The following NAALAD2 variants were observed in gnomAD, a reference collection of about 807,000 sequenced individuals.
The protein encoded by NAALAD2 is N-acetylated-alpha-linked acidic dipeptidase 2.
Under a neutral mutation model 95.6 loss-of-function variants are expected in NAALAD2, and 89 were observed. The observed-to-expected ratio is 0.93, with a 90% CI of 0.78 to 1.11. The LOEUF (loss-of-function observed/expected upper bound fraction) is 1.11, where lower values mean the gene tolerates loss of function less well. NAALAD2 is among the 50% of genes least tolerant of loss of function. NAALAD2 has a pLI of 0.00. For missense variants in NAALAD2, 894 were observed against 872.4 expected, an observed-to-expected ratio of 1.02 and a Z score of -0.31; for synonymous variants, 264 against 294.4, an observed-to-expected ratio of 0.90 and a Z score of 1.06.
chr11:90,190,569 A>T (rs193155105), intron 18 of NAALAD2, among the ~76,000 whole-genome samples: 1 of 152,176 alleles, frequency 6.6e-6, no homozygotes, highest in Non-Finnish European at 1.5e-5. Flanking sequence ...GAGGGTAAGT[A>T]TACTAAGGAA....
intron 11 of NAALAD2, among the ~76,000 whole-genome samples, chr11:90,167,286 C>A (rs996668916): frequency 6.6e-6 from 1 of 152,184 alleles, no homozygotes; most frequent in Non-Finnish European, 1.5e-5. Flanking sequence ...CTCGGAGGCG[C>A]CGGCCAGCCT....
chr11:90,177,963 A>T lies in NAALAD2; in HGVS notation c.1704A>T (p.Gln568His). ...TTAAAAAACAACTTTCTGTGGCTCA[A>T]TTACGAGGAGCACTGGTATATGAGC... ...PTFKKQLSVA[Q>H]LRGALVYELV... Residue 568 changes from glutamine to histidine, a missense_variant, in exon 16 of 19, where the codon CAA becomes CAT. Physicochemically the swap from Gln to His is conservative, Grantham distance 24 (BLOSUM62 0). Coordinates refer to ENST00000534061, the MANE Select transcript of NAALAD2 (RefSeq NM_005467.4). The T allele has an allele frequency of 2.5e-6, 4 of 1,613,910 alleles. No homozygotes were observed. The highest frequency in any genetic ancestry group is 3.4e-6 in the Non-Finnish European group (4 of 1,179,936).
intron 2 of NAALAD2, among the ~76,000 whole-genome samples, chr11:90,142,788 C>T (rs1951652275): frequency 6.6e-6 from 1 of 151,952 alleles, no homozygotes; most frequent in South Asian, 2.1e-4. Context: ...TGTACCTTTA[C>T]TCATTTTCTG....
chr11:90,183,147 T>A (rs1407783335), intron 18 of NAALAD2, 139 bp downstream of exon 18: 1 of 566,604 alleles, frequency 1.8e-6, no homozygotes, highest in Admixed American at 2.9e-5. Flanking sequence ...GTACATTTAA[T>A]AATAGGTATA....
rs77435706 is a variant in NAALAD2 at position 90,173,975 on chromosome 11, C to T, written c.1502+60C>T. On this transcript the variant is annotated intron_variant, in intron 14 of 18. Transcript: ENST00000534061. The stretch of plus-strand genomic sequence containing the variant: ...ATAAGTTATGAATTCCCCTCTGCCT[C>T]TTGTTTCTCCAAGCATGAAATTCTC... 83 of 1,075,592 alleles carry T rather than the reference C, an allele frequency of 7.7e-5. No individual in the cohort carries two copies. The East Asian group carries it at 1.7e-3, about 22-fold the overall frequency. The allele number at this position is 1,075,592 out of a possible 1,614,324, so 66.6% of individuals were successfully genotyped here.
chr11:90,148,182 T>C (rs1295962682), intron 3 of NAALAD2, among the ~76,000 whole-genome samples: 1 of 152,170 alleles, frequency 6.6e-6, no homozygotes, highest in Non-Finnish European at 1.5e-5. Flanking sequence ...ACGTCCTCTA[T>C]GGATCACACC....
chr11:90,191,556 A>G lies in NAALAD2; in HGVS notation c.2034-2A>G. 6.4e-7 allele frequency: 1 copy of G among 1,569,804 alleles called. No homozygotes were observed. Among genetic ancestry groups the G allele is most frequent in the South Asian group, 1.2e-5 (1 of 81,630 alleles). On this transcript the variant is annotated splice_acceptor_variant, in intron 18 of 18. Transcript: ENST00000534061. LOFTEE classifies it high-confidence loss of function. ...CAATTTGCCTTGTTTTCTTCCTTTT[A>G]GGCACATCATATTTGCTCCAAGTAG... is the stretch of plus-strand genomic sequence containing the variant.
At chr11:90,191,371 C>T (rs1220066680) in intron 18 of NAALAD2, among the ~76,000 whole-genome samples, 187 bp from the exon 19 acceptor site, 2 of 151,594 alleles carry the variant, frequency 1.3e-5, no homozygotes, top group Non-Finnish European at 2.9e-5. Context: ...TATGTCTTAG[C>T]GAATGCATAT....
At chr11:90,155,825 T>C (rs1047674386) in intron 6 of NAALAD2, among the ~76,000 whole-genome samples, 1 of 114,506 alleles carries the variant, frequency 8.7e-6, no homozygotes, top group African/African-American at 3.8e-5. Context: ...AATATATATG[T>C]AATATATGTA....
In NAALAD2 at chr11:90,192,035, G is replaced by A. The variant is rs112272615; in HGVS notation, c.*288G>A. 1.7e-4 allele frequency: 34 copies of A among 194,286 alleles called. No homozygotes were observed. The highest frequency in any genetic ancestry group is 7.1e-4 in the African/African-American group (31 of 43,378). 12.0% of individuals were successfully genotyped at this position (194,286 alleles called of 1,614,324 possible). On this transcript the variant is annotated 3_prime_UTR_variant, in exon 19 of 19. Transcript: ENST00000534061. ...ACATGAATTCTCAGACATTGTGAGT[G>A]TGGGAATGTAAAATGGTAAAATCAC...
At chr11:90,190,409 A>G (rs1294528544) in intron 18 of NAALAD2, among the ~76,000 whole-genome samples, 1 of 152,230 alleles carries the variant, frequency 6.6e-6, no homozygotes, top group African/African-American at 2.4e-5. Context: ...CATTATTTCA[A>G]TTATTTTACA....
At chr11:90,181,390 C>T (rs1053766235) in intron 16 of NAALAD2, among the ~76,000 whole-genome samples, 4 of 151,888 alleles carry the variant, frequency 2.6e-5, no homozygotes, top group Non-Finnish European at 4.4e-5. Flanking sequence ...TTATTTGTGT[C>T]CTAGATTTTT....
In NAALAD2 at chr11:90,175,952, G is replaced by GTGTGTT. The variant is rs778950906; in HGVS notation, c.1503-20_1503-19insTGTGTT. The GTGTGTT allele has an allele frequency of 1.4e-6, 2 of 1,436,796 alleles. No individual in the cohort carries two copies. Among genetic ancestry groups the GTGTGTT allele is most frequent in the Non-Finnish European group, 2.0e-6 (2 of 1,019,624 alleles). The allele number at this position is 1,436,796 out of a possible 1,614,324, so 89.0% of individuals were successfully genotyped here. ...TATGTGTGTGTGTGTGTGTGTGTGTGGATTGCATTCTACATCTAGAATCAA... is the reference window on the plus strand; with the variant it reads ...TATGTGTGTGTGTGTGTGTGTGTGTGTGTGTTGATTGCATTCTACATCTAGAATCAA... On this transcript the variant is annotated intron_variant, in intron 14 of 18. Transcript: ENST00000534061.
At chr11:90,181,348 TC>T (rs995567864) in intron 16 of NAALAD2, among the ~76,000 whole-genome samples, 31 of 152,250 alleles carry the variant, frequency 2.0e-4, no homozygotes, top group African/African-American at 7.5e-4. Flanking sequence ...AAAAATGAAT[TC>T]TGGGTTTCTG....
At chr11:90,158,923 A>T in intron 7 of NAALAD2, 1 of 278,726 alleles carries the variant, frequency 3.6e-6, no homozygotes, top group South Asian at 4.1e-5. Flanking sequence ...TATTTAGGAT[A>T]TCTTGGATTC....
intron 12 of NAALAD2, chr11:90,169,697 G>T: frequency 5.7e-6 from 1 of 176,966 alleles, no homozygotes; most frequent in Non-Finnish European, 1.2e-5. Context: ...TACTGACATG[G>T]CTTTGTCTAA....
At chr11:90,168,150 G>A (rs1011280767) in intron 11 of NAALAD2, among the ~76,000 whole-genome samples, 4 of 152,054 alleles carry the variant, frequency 2.6e-5, no homozygotes, top group East Asian at 1.9e-4. Context: ...AACTCCAGAT[G>A]GGCCGCCTTA....
rs1302600111 is a variant in NAALAD2, at chr11:90,170,809, T to TA, written c.1410+679dup. On this transcript the variant is annotated intron_variant, in intron 13 of 18. Transcript: ENST00000534061. ...CATTCTAAGCAGAGGACACAGTATCTAAAAAAGATGTGGAGGTTTAAAAGA... is the reference window on the plus strand; with the variant it reads ...CATTCTAAGCAGAGGACACAGTATCTAAAAAAAGATGTGGAGGTTTAAAAGA... 4.6e-5 allele frequency among the ~76,000 whole-genome samples: 7 copies of TA among 152,194 alleles called. No individual in the cohort carries two copies. The East Asian group carries it at 1.4e-3, about 29-fold the overall frequency.
intron 12 of NAALAD2, among the ~76,000 whole-genome samples, 178 bp from the exon 13 acceptor site, chr11:90,169,891 G>A (rs1385824826): frequency 6.6e-6 from 1 of 151,986 alleles, no homozygotes; most frequent in African/African-American, 2.4e-5. Context: ...AGAATATTTG[G>A]TGCAGGCTCT....
Sources: allele counts gnomAD v4.1 joint callset (sites outside exome capture counted in the v4.1 genomes callset), GRCh38; gene constraint gnomAD v4.1.1; transcripts MANE v1.5; gene names NCBI Gene and HGNC (gene_info 2026-07-23, HGNC 2026-07-21).